The following CSGALNACT1 variants were observed in gnomAD, a reference collection of about 807,000 sequenced individuals.
CSGALNACT1 encodes chondroitin sulfate N-acetylgalactosaminyltransferase 1.
Under a neutral mutation model 51.0 loss-of-function variants are expected in CSGALNACT1, and 52 were observed. The ratio of observed to expected loss-of-function variants is 1.02; its 90% CI spans 0.82 to 1.29. The LOEUF (loss-of-function observed/expected upper bound fraction) is 1.29, where lower values mean the gene tolerates loss of function less well. CSGALNACT1 is among the 50% of genes most tolerant of loss of function. The pLI, the probability that CSGALNACT1 is intolerant of heterozygous loss-of-function variation, is 0.00. For synonymous variants in CSGALNACT1, 341 were observed against 254.4 expected (o/e 1.34, Z -3.24); for missense variants, 935 against 679.2 (o/e 1.38, Z -4.19).
At position 19,615,999 on chromosome 8, in the gene CSGALNACT1, TAAG is replaced by T. The variant is rs1279464000; in HGVS notation, c.-543-14137_-543-14135del. ...TAGGCATATCCATATCATCAACTCT[TAAG>T]AAGACAATAGGAAAATTACCAAGAC... On this transcript the variant is annotated intron_variant, in intron 1 of 9. Transcript: ENST00000332246. Among the ~76,000 whole-genome samples, 9 of 152,124 alleles carry T rather than the reference TAAG, an allele frequency of 5.9e-5. 1 individual carries two copies. The highest frequency in any genetic ancestry group is 5.9e-4 in the Admixed American group (9 of 15,270).
intron 1 of CSGALNACT1, among the ~76,000 whole-genome samples, chr8:19,636,564 A>T (rs1480287557): frequency 6.6e-6 from 1 of 152,166 alleles, no homozygotes; most frequent in Admixed American, 6.5e-5. Flanking sequence ...AAAAGTGTTG[A>T]CAAGTCCCAC....
At chr8:19,500,739 T>G (rs564952096) in intron 4 of CSGALNACT1, among the ~76,000 whole-genome samples, 2 of 152,260 alleles carry the variant, frequency 1.3e-5, no homozygotes, top group South Asian at 4.1e-4. Flanking sequence ...TATCTCCCTG[T>G]GTCTTTGCTT....
At chr8:19,471,951 C>T (rs2068288307) in intron 4 of CSGALNACT1, among the ~76,000 whole-genome samples, 1 of 152,180 alleles carries the variant, frequency 6.6e-6, no homozygotes, top group South Asian at 2.1e-4. Flanking sequence ...AAAACAACTC[C>T]ACAGATCTCT....
intron 1 of CSGALNACT1, among the ~76,000 whole-genome samples, chr8:19,726,190 T>C (rs962218140): frequency 2.0e-5 from 3 of 152,220 alleles, no homozygotes; most frequent in African/African-American, 7.2e-5. Flanking sequence ...AAAAAAGTTA[T>C]TGTAAATAGT....
intron 3 of CSGALNACT1, among the ~76,000 whole-genome samples, chr8:19,534,601 G>C (rs558832276): frequency 6.5e-4 from 99 of 152,176 alleles, no homozygotes; most frequent in Middle Eastern, 3.4e-3. Context: ...TTCAGCCAGG[G>C]GCCAGGGAAA....
intron 1 of CSGALNACT1, among the ~76,000 whole-genome samples, chr8:19,670,650 C>CAAAAA (rs752256046): frequency 0.037 from 3,434 of 92,636 alleles, 90 homozygotes; most frequent in Non-Finnish European, 0.046. Flanking sequence ...CTACTGAAGA[C>CAAAAA]AAAAAAAAAA....
intron 1 of CSGALNACT1, among the ~76,000 whole-genome samples, chr8:19,726,291 T>C (rs1038682993): frequency 1.3e-5 from 2 of 152,208 alleles, no homozygotes; most frequent in Non-Finnish European, 2.9e-5. Flanking sequence ...TCTAAAATGA[T>C]ACGTAATTAA....
At chr8:19,635,845 G>A (rs28725382) in intron 1 of CSGALNACT1, among the ~76,000 whole-genome samples, 29,888 of 151,782 alleles carry the variant, frequency 0.2, 3,465 homozygotes, top group African/African-American at 0.33. Context: ...CTCCTGCCTC[G>A]GCCTCCTGAG....
At chr8:19,458,905 G>C (rs1586481205) in intron 4 of CSGALNACT1, among the ~76,000 whole-genome samples, 1 of 152,142 alleles carries the variant, frequency 6.6e-6, no homozygotes, top group African/African-American at 2.4e-5. Context: ...GTATTCATAG[G>C]ATACAGAGGC....
chr8:19,598,848 G>A (rs1184978107), intron 2 of CSGALNACT1, among the ~76,000 whole-genome samples: 2 of 152,204 alleles, frequency 1.3e-5, no homozygotes, highest in Non-Finnish European at 2.9e-5. Context: ...GCCATCTTCA[G>A]GTAGGAGACA....
intron 6 of CSGALNACT1, among the ~76,000 whole-genome samples, chr8:19,422,120 C>T (rs1276524336): frequency 6.6e-6 from 1 of 152,182 alleles, no homozygotes; most frequent in East Asian, 1.9e-4. Flanking sequence ...CCCCTTTACA[C>T]ACTAAGACGC....
At chr8:19,446,571 C>T (rs542094771) in intron 5 of CSGALNACT1, among the ~76,000 whole-genome samples, 365 of 152,208 alleles carry the variant, frequency 2.4e-3, no homozygotes, top group African/African-American at 8.1e-3. Context: ...ACCCAGGCAA[C>T]GGTGCCATCT....
chr8:19,597,658 G>A (rs1342583649), intron 2 of CSGALNACT1, among the ~76,000 whole-genome samples: 7 of 152,094 alleles, frequency 4.6e-5, no homozygotes, highest in Admixed American at 1.3e-4. Flanking sequence ...GCCGGAGTCC[G>A]ATCCCTTGCC....
intron 1 of CSGALNACT1, among the ~76,000 whole-genome samples, chr8:19,700,844 T>C (rs1275055191): frequency 6.6e-6 from 1 of 152,192 alleles, no homozygotes; most frequent in Non-Finnish European, 1.5e-5. Flanking sequence ...GTTTCCCATA[T>C]CATATCCATC....
At chr8:19,470,875 C>T (rs1298676507) in intron 4 of CSGALNACT1, among the ~76,000 whole-genome samples, 2 of 152,116 alleles carry the variant, frequency 1.3e-5, no homozygotes, top group Non-Finnish European at 2.9e-5. Context: ...GTGGGCGGAT[C>T]ACCTGAGGTC....
At chr8:19,704,031 C>T (rs1013143290) in intron 1 of CSGALNACT1, among the ~76,000 whole-genome samples, 3 of 152,174 alleles carry the variant, frequency 2.0e-5, no homozygotes, top group Admixed American at 2.0e-4. Flanking sequence ...GCCTAACACA[C>T]TACACTGCAC....
At chr8:19,493,402 GT>G in intron 4 of CSGALNACT1, among the ~76,000 whole-genome samples, 1 of 152,230 alleles carries the variant, frequency 6.6e-6, no homozygotes, top group Non-Finnish European at 1.5e-5. Flanking sequence ...GTGTTACCAG[GT>G]TTGTGCAACC....
intron 3 of CSGALNACT1, among the ~76,000 whole-genome samples, chr8:19,524,824 G>T (rs1323554573): frequency 6.6e-6 from 1 of 152,038 alleles, no homozygotes; most frequent in Non-Finnish European, 1.5e-5. Context: ...ACATAAACAA[G>T]AACATAACAA....
At chr8:19,567,177 T>C (rs1458310547) in intron 3 of CSGALNACT1, among the ~76,000 whole-genome samples, 2 of 152,044 alleles carry the variant, frequency 1.3e-5, no homozygotes, top group Non-Finnish European at 1.5e-5. Flanking sequence ...GAGTAAAAAA[T>C]GGCAAAACAA....
Sources: gnomAD v4.1 joint callset for allele counts (sites outside exome capture counted in the v4.1 genomes callset) on GRCh38, gnomAD v4.1.1 for gene constraint, MANE v1.5 for transcripts, NCBI Gene and HGNC (gene_info 2026-07-23, HGNC 2026-07-21) for gene names.